Variants in GALNTL6 observed in about 807,000 individuals in gnomAD.
GALNTL6 encodes polypeptide N-acetylgalactosaminyltransferase like 6.
In GALNTL6, 46 loss-of-function variants were observed where a neutral mutation model predicts 73.7. That is an observed-to-expected ratio of 0.62 (90% CI 0.49 to 0.80). GALNTL6 has a LOEUF of 0.80. Among genes scored for constraint, GALNTL6 ranks in the 30% least tolerant of loss-of-function variants. The pLI is 0.00. For missense variants in GALNTL6, 604 were observed against 755.0 expected (o/e 0.80, Z 2.34); for synonymous variants, 259 against 263.7 (o/e 0.98, Z 0.17).
chr4:171,957,723 T>C (rs143299445), intron 2 of GALNTL6, among the ~76,000 whole-genome samples: 74 of 152,326 alleles, frequency 4.9e-4, no homozygotes, highest in African/African-American at 1.7e-3. Flanking sequence ...ATGACCTATC[T>C]GACTCATAAG....
intron 5 of GALNTL6, among the ~76,000 whole-genome samples, chr4:172,712,004 GA>G (rs893032768): frequency 3.9e-5 from 6 of 152,248 alleles, no homozygotes; most frequent in African/African-American, 1.4e-4. Context: ...AGGACAGAGT[GA>G]TCAACTCTGC....
intron 2 of GALNTL6, among the ~76,000 whole-genome samples, chr4:172,021,930 T>A (rs1420909196): frequency 6.6e-6 from 1 of 151,986 alleles, no homozygotes; most frequent in East Asian, 1.9e-4. Flanking sequence ...TAGGCAAAAC[T>A]CAAATCCAAA....
intron 7 of GALNTL6, among the ~76,000 whole-genome samples, chr4:172,858,177 G>A (rs1027272720): frequency 4.6e-5 from 7 of 152,114 alleles, no homozygotes; most frequent in South Asian, 2.1e-4. Context: ...CAACTCCTCC[G>A]ATAATAGAAA....
At chr4:172,852,444 G>T (rs764313476) in intron 7 of GALNTL6, among the ~76,000 whole-genome samples, 2 of 152,102 alleles carry the variant, frequency 1.3e-5, no homozygotes, top group Admixed American at 1.3e-4. Context: ...ATTCAGTCAC[G>T]ATCACAACTA....
At chr4:172,023,831 A>G (rs1741473305) in intron 2 of GALNTL6, among the ~76,000 whole-genome samples, 1 of 151,900 alleles carries the variant, frequency 6.6e-6, no homozygotes, top group Non-Finnish European at 1.5e-5. Flanking sequence ...TGTTAATATT[A>G]TAATACAAAT....
chr4:172,589,067 A>T (rs1350155263), intron 5 of GALNTL6, among the ~76,000 whole-genome samples: 1 of 152,192 alleles, frequency 6.6e-6, no homozygotes, highest in South Asian at 2.1e-4. Flanking sequence ...GTAAAAGTTA[A>T]ACATTTTATA....
At chr4:171,968,836 C>CG (rs1560863944) in intron 2 of GALNTL6, among the ~76,000 whole-genome samples, 1 of 101,522 alleles carries the variant, frequency 9.9e-6, no homozygotes, top group Non-Finnish European at 2.3e-5. Flanking sequence ...TTTTTTTGTG[C>CG]GGGGTGGGGG....
At chr4:172,741,368 AAGG>A (rs533998625) in intron 5 of GALNTL6, among the ~76,000 whole-genome samples, 28 of 152,072 alleles carry the variant, frequency 1.8e-4, no homozygotes, top group Non-Finnish European at 3.8e-4. Context: ...ACACCAAGCA[AAGG>A]AGAAGAAAGG....
chr4:172,779,575 C>T (rs908595690), intron 5 of GALNTL6, among the ~76,000 whole-genome samples: 1 of 152,130 alleles, frequency 6.6e-6, no homozygotes, highest in African/African-American at 2.4e-5. Context: ...TAATGTAAAG[C>T]TAAGCAACCA....
chr4:172,099,892 C>T (rs1016359261), intron 2 of GALNTL6, among the ~76,000 whole-genome samples: 16 of 151,952 alleles, frequency 1.1e-4, no homozygotes, highest in Admixed American at 1.1e-3. Flanking sequence ...TAAAATATAC[C>T]CTAATGATTG....
intron 2 of GALNTL6, among the ~76,000 whole-genome samples, chr4:172,006,805 T>C (rs1254514326): frequency 6.6e-6 from 1 of 152,036 alleles, no homozygotes; most frequent in East Asian, 1.9e-4. Context: ...ACTAAGACTT[T>C]CTGGATTCTG....
intron 5 of GALNTL6, among the ~76,000 whole-genome samples, chr4:172,747,772 C>G (rs1737190029): frequency 6.7e-6 from 1 of 149,132 alleles, no homozygotes; most frequent in South Asian, 2.2e-4. Context: ...CCCAAATATC[C>G]ATCAAATGAT....
chr4:172,182,427 G>A (rs1040322137), intron 2 of GALNTL6, among the ~76,000 whole-genome samples: 18 of 151,588 alleles, frequency 1.2e-4, no homozygotes, highest in South Asian at 4.2e-4. Flanking sequence ...TGGGAATCTT[G>A]TAATTTGGTA....
At chr4:172,732,011 C>T (rs1356973668) in intron 5 of GALNTL6, among the ~76,000 whole-genome samples, 1 of 151,724 alleles carries the variant, frequency 6.6e-6, no homozygotes, top group Non-Finnish European at 1.5e-5. Context: ...ATGCATGTTC[C>T]ACAGAACCTA....
intron 2 of GALNTL6, among the ~76,000 whole-genome samples, chr4:172,092,932 G>A (rs1396504377): frequency 6.9e-6 from 1 of 144,550 alleles, no homozygotes; most frequent in Non-Finnish European, 1.5e-5. Flanking sequence ...ACAGTGCAGT[G>A]GCATGATCTC....
intron 11 of GALNTL6, among the ~76,000 whole-genome samples, chr4:173,017,957 A>G (rs60717105): frequency 0.021 from 3,242 of 152,352 alleles, 121 homozygotes; most frequent in African/African-American, 0.074. Context: ...GAGGTGTGAC[A>G]GAAGCAAGAC....
At chr4:172,092,241 T>C (rs1422899554) in intron 2 of GALNTL6, among the ~76,000 whole-genome samples, 1 of 152,170 alleles carries the variant, frequency 6.6e-6, no homozygotes, top group Non-Finnish European at 1.5e-5. Context: ...TTTAGGTGTC[T>C]TACCACAATT....
rs755548308 is a variant in GALNTL6 at position 172,434,460 on chromosome 4, G to T, written c.553+85771G>T. Among the ~76,000 whole-genome samples, 5 of 152,222 alleles carry T rather than the reference G, an allele frequency of 3.3e-5. No individual in the cohort carries two copies. The South Asian group carries it at 1.0e-3, about 32-fold the overall frequency. ...CTATTACAGATTATGTTTTCTGAAAGTTAAATTTGAATTCTTAAAACTCAA... is the reference window on the plus strand; with the variant it reads ...CTATTACAGATTATGTTTTCTGAAATTTAAATTTGAATTCTTAAAACTCAA... On this transcript the variant is annotated intron_variant, in intron 5 of 12. Coordinates refer to ENST00000506823, the MANE Select transcript of GALNTL6 (RefSeq NM_001034845.3).
chr4:172,789,425 T>A (rs1490008222), intron 5 of GALNTL6, among the ~76,000 whole-genome samples: 1 of 152,218 alleles, frequency 6.6e-6, no homozygotes, highest in African/African-American at 2.4e-5. Context: ...TGCAATTATT[T>A]TTTTAGCTCG....
Sources: gnomAD v4.1 joint callset for allele counts (sites outside exome capture counted in the v4.1 genomes callset) on GRCh38, gnomAD v4.1.1 for gene constraint, MANE v1.5 for transcripts, NCBI Gene and HGNC (gene_info 2026-07-23, HGNC 2026-07-21) for gene names.